NF1: variants seen among roughly 807,000 people sequenced by gnomAD.
NF1 encodes the protein neurofibromin.
NF1 carries 122 observed loss-of-function variants against 325.7 expected under a neutral mutation model. The ratio of observed to expected loss-of-function variants is 0.37; its 90% CI spans 0.32 to 0.44. The LOEUF is 0.44. NF1 is among the 20% of genes least tolerant of loss of function. NF1 has a pLI of 1.00. For synonymous variants in NF1, 1,091 were observed against 1,186.0 expected (o/e 0.92, Z 1.65); for missense variants, 2,140 against 3,415.4 (o/e 0.63, Z 9.31).
intron 1 of NF1, among the ~76,000 whole-genome samples, chr17:31,117,317 G>A (rs1914016555): frequency 6.6e-6 from 1 of 151,878 alleles, no homozygotes; most frequent in African/African-American, 2.4e-5. Flanking sequence ...TCTTTATTAA[G>A]TATATGTTTG....
chr17:31,181,619 A>T, intron 6 of NF1, 91 bp from the exon 7 acceptor site: 1 of 1,270,576 alleles, frequency 7.9e-7, no homozygotes, highest in East Asian at 2.3e-5. Flanking sequence ...ATACATTGTA[A>T]TATTATTATG....
At position 31,375,042 on chromosome 17, in the gene NF1, C is replaced by G. The variant is rs2070712503; in HGVS notation, c.*887C>G. The G allele has an allele frequency of 4.8e-6, 1 of 208,266 alleles. No homozygotes were observed. Among genetic ancestry groups the G allele is most frequent in the Non-Finnish European group, 9.8e-6 (1 of 102,024 alleles). The allele number at this position is 208,266 out of a possible 1,614,324, so 12.9% of individuals were successfully genotyped here. Reference sequence around the variant, plus strand: ...TATATATATATATTTTTTCCCCTCCCCCTCTTCTTTCCTAACTAATTCTGA... The same window carrying G: ...TATATATATATATTTTTTCCCCTCCGCCTCTTCTTTCCTAACTAATTCTGA... On this transcript the variant is annotated 3_prime_UTR_variant, in exon 58 of 58. Transcript: ENST00000358273.
At chr17:31,238,204 A>G (rs2067236345) in intron 29 of NF1, among the ~76,000 whole-genome samples, 2 of 152,090 alleles carry the variant, frequency 1.3e-5, no homozygotes. Flanking sequence ...GCACCTTTGT[A>G]AGTTTTACCT....
chr17:31,191,467 C>T (rs1567831009), intron 8 of NF1, among the ~76,000 whole-genome samples: 1 of 152,110 alleles, frequency 6.6e-6, no homozygotes. Context: ...GAACTACTGA[C>T]TCGGCAACAT....
intron 29 of NF1, among the ~76,000 whole-genome samples, chr17:31,244,285 G>T (rs2067354029): frequency 6.6e-6 from 1 of 152,168 alleles, no homozygotes; most frequent in Non-Finnish European, 1.5e-5. Context: ...CCTGGGTTTG[G>T]GAGAGGGGTG....
At chr17:31,273,959 G>A (rs898358329) in intron 36 of NF1, among the ~76,000 whole-genome samples, 5 of 152,224 alleles carry the variant, frequency 3.3e-5, no homozygotes, top group Middle Eastern at 3.4e-3. Flanking sequence ...CCAAGTAAGT[G>A]TATTAAAGGT....
At chr17:31,175,478 G>A (rs1176143659) in intron 5 of NF1, among the ~76,000 whole-genome samples, 1 of 150,280 alleles carries the variant, frequency 6.7e-6, no homozygotes, top group Non-Finnish European at 1.5e-5. Flanking sequence ...GCTTTCGAAA[G>A]TGCTGAGATT....
chr17:31,095,400 A>C, intron 1 of NF1, 31 bp downstream of exon 1: 1 of 1,531,812 alleles, frequency 6.5e-7, no homozygotes, highest in Non-Finnish European at 8.7e-7. Flanking sequence ...GGGAGGTGGG[A>C]GCGGAGTGGG....
intron 21 of NF1, 102 bp downstream of exon 21, chr17:31,229,567 T>C: frequency 7.0e-7 from 1 of 1,434,830 alleles, no homozygotes; most frequent in East Asian, 2.3e-5. Context: ...CTCACAGTTT[T>C]TAAAAATTTC....
intron 1 of NF1, among the ~76,000 whole-genome samples, chr17:31,145,523 T>C (rs1039167407): frequency 5.3e-5 from 8 of 152,100 alleles, no homozygotes; most frequent in African/African-American, 1.9e-4. Flanking sequence ...TTCATTTAGG[T>C]CTCTGCTCAA....
At chr17:31,173,022 C>T (rs1038666893) in intron 5 of NF1, among the ~76,000 whole-genome samples, 1 of 152,106 alleles carries the variant, frequency 6.6e-6, no homozygotes, top group Non-Finnish European at 1.5e-5. Flanking sequence ...TGGCTCACAC[C>T]TGTAATCCCA....
At chr17:31,308,155 T>C (rs2068775030) in intron 36 of NF1, among the ~76,000 whole-genome samples, 1 of 152,116 alleles carries the variant, frequency 6.6e-6, no homozygotes, top group South Asian at 2.1e-4. Context: ...CTTTTTTTTT[T>C]TGGAGACAGA....
At position 31,338,110 on chromosome 17, in the gene NF1, A is replaced by T. The variant is rs761213794; in HGVS notation, c.6790A>T (p.Ile2264Leu). 3.1e-6 allele frequency: 5 copies of T among 1,613,754 alleles called. No homozygotes were observed. Among genetic ancestry groups the T allele is most frequent in the Non-Finnish European group, 4.2e-6 (5 of 1,179,636 alleles). The change falls in exon 45 of 58, where the codon ATA (isoleucine) becomes TTA (leucine). Residue 2264 changes from isoleucine (I) to leucine (L), a missense_variant. This residue lies in a region of NF1 where 522 missense variants were observed against 749.0 expected (regional missense o/e 0.70). Transcript: ENST00000358273. ...CISKRVSHGQ[I>L]KQIIRILSKA... ...TAGCAAACGAGTGTCTCATGGGCAG[A>T]TAAAGCAGATAATCCGTATTCTTAG...
intron 25 of NF1, 27 bp downstream of exon 25, chr17:31,232,216 A>G: frequency 1.4e-6 from 2 of 1,403,706 alleles, no homozygotes; most frequent in Non-Finnish European, 2.0e-6. Flanking sequence ...AAAAAACATA[A>G]AGCAAAAAGC....
At chr17:31,223,863 T>C (rs1007048678) in intron 16 of NF1, among the ~76,000 whole-genome samples, 1 of 152,182 alleles carries the variant, frequency 6.6e-6, no homozygotes, top group Non-Finnish European at 1.5e-5. Flanking sequence ...CAGAGTAGCT[T>C]GAGGAGCATA....
intron 36 of NF1, among the ~76,000 whole-genome samples, chr17:31,278,907 G>A (rs978329222): frequency 6.6e-6 from 1 of 152,102 alleles, no homozygotes; most frequent in Non-Finnish European, 1.5e-5. Context: ...GAGCCGCCGC[G>A]CCTGGCCTTC....
At chr17:31,295,304 A>T (rs1255282346) in intron 36 of NF1, 1 of 1,614,100 alleles carries the variant, frequency 6.2e-7, no homozygotes. Flanking sequence ...ATGTGAATTG[A>T]TAGTCTCTGT....
intron 36 of NF1, among the ~76,000 whole-genome samples, chr17:31,280,516 C>CAAAAAA (rs57193583): frequency 1.3e-5 from 1 of 79,540 alleles, no homozygotes; most frequent in Non-Finnish European, 2.7e-5. Flanking sequence ...GACTCTGTCT[C>CAAAAAA]AAAAAAAAAA....
chr17:31,190,036 A>G (rs2066313410), intron 8 of NF1, among the ~76,000 whole-genome samples: 1 of 150,332 alleles, frequency 6.7e-6, no homozygotes. Context: ...TGCTGGGATT[A>G]CAGGCATGAG....
Sources: allele counts gnomAD v4.1 joint callset (sites outside exome capture counted in the v4.1 genomes callset), GRCh38; gene constraint gnomAD v4.1.1; regional missense constraint gnomAD v4.1.1; transcripts MANE v1.5; gene names NCBI Gene and HGNC (gene_info 2026-07-23, HGNC 2026-07-21).